The following USP37 variants were observed in gnomAD, a reference collection of about 807,000 sequenced individuals.
USP37 encodes ubiquitin carboxyl-terminal hydrolase 37.
A neutral mutation model predicts 124.0 loss-of-function variants in USP37; 27 were observed. The ratio of observed to expected loss-of-function variants is 0.22; its 90% CI spans 0.16 to 0.30. USP37 has a LOEUF of 0.30. Among genes scored for constraint, USP37 ranks in the 10% least tolerant of loss-of-function variants. USP37 has a pLI of 1.00. For synonymous variants in USP37, 365 were observed against 388.0 expected (o/e 0.94, Z 0.70); for missense variants, 889 against 1,140.4 (o/e 0.78, Z 3.17).
At chr2:218,513,850 C>A (rs566503845) in intron 10 of USP37, among the ~76,000 whole-genome samples, 13 of 152,172 alleles carry the variant, frequency 8.5e-5, no homozygotes, top group Non-Finnish European at 1.8e-4. Context: ...CACTCTGTTG[C>A]TCAGGCTGGA....
chr2:218,517,578 A>G (rs1453245541), intron 10 of USP37, among the ~76,000 whole-genome samples: 2 of 152,206 alleles, frequency 1.3e-5, no homozygotes, highest in Admixed American at 6.5e-5. Flanking sequence ...ATTGCTATAG[A>G]AAAGTCAAAG....
At chr2:218,483,266 G>A (rs1691360807) in intron 16 of USP37, among the ~76,000 whole-genome samples, 1 of 152,092 alleles carries the variant, frequency 6.6e-6, no homozygotes, top group Non-Finnish European at 1.5e-5. Flanking sequence ...TGCCTATAGT[G>A]TAGCCCTGCT....
At chr2:218,511,121 T>C (rs987580187) in intron 10 of USP37, among the ~76,000 whole-genome samples, 3 of 152,194 alleles carry the variant, frequency 2.0e-5, no homozygotes, top group Non-Finnish European at 4.4e-5. Flanking sequence ...TACTCTTTTC[T>C]GAATTGCTTT....
intron 11 of USP37, among the ~76,000 whole-genome samples, chr2:218,509,391 AT>A (rs112390709): frequency 4.6e-5 from 7 of 152,196 alleles, no homozygotes; most frequent in South Asian, 2.1e-4. Context: ...AAGATTTAAA[AT>A]TTAAAAAAAA....
At chr2:218,491,099 C>T (rs1238648319) in intron 14 of USP37, among the ~76,000 whole-genome samples, 6 of 152,160 alleles carry the variant, frequency 3.9e-5, no homozygotes, top group Non-Finnish European at 7.4e-5. Context: ...GTCTCAAACA[C>T]CTAGATTCAA....
chr2:218,549,144 C>T (rs967237803), intron 6 of USP37, among the ~76,000 whole-genome samples: 5 of 151,992 alleles, frequency 3.3e-5, no homozygotes, highest in East Asian at 1.9e-4. Context: ...ATTATGATGA[C>T]GATTTTAAGG....
chr2:218,566,846 A>G (rs756017522), intron 1 of USP37, among the ~76,000 whole-genome samples: 1 of 152,184 alleles, frequency 6.6e-6, no homozygotes, highest in Non-Finnish European at 1.5e-5. Flanking sequence ...GAGAGAGTAG[A>G]AGTCAAGAAT....
intron 11 of USP37, among the ~76,000 whole-genome samples, chr2:218,498,953 A>C (rs1689214954): frequency 6.6e-6 from 1 of 152,130 alleles, no homozygotes; most frequent in Admixed American, 6.6e-5. Context: ...GTACTGCCAA[A>C]TCTTTTTCCT....
At chr2:218,491,167 C>T (rs1306877409) in intron 14 of USP37, among the ~76,000 whole-genome samples, 2 of 152,182 alleles carry the variant, frequency 1.3e-5, no homozygotes, top group African/African-American at 4.8e-5. Flanking sequence ...AGCCACCATG[C>T]TCTGCCCATA....
intron 13 of USP37, 32 bp downstream of exon 13, chr2:218,497,702 C>A (rs1294445079): frequency 6.2e-7 from 1 of 1,611,814 alleles, no homozygotes; most frequent in South Asian, 1.1e-5. Flanking sequence ...CGTGTCAGGC[C>A]TCTGAAACGT....
intron 23 of USP37, among the ~76,000 whole-genome samples, chr2:218,458,903 G>C (rs1689851094): frequency 6.6e-6 from 1 of 151,962 alleles, no homozygotes; most frequent in African/African-American, 2.4e-5. Flanking sequence ...TCTGTCTCTA[G>C]AACAAAAAAG....
intron 15 of USP37, among the ~76,000 whole-genome samples, chr2:218,487,418 T>C (rs1352207850): frequency 6.6e-6 from 1 of 152,180 alleles, no homozygotes; most frequent in Non-Finnish European, 1.5e-5. Flanking sequence ...TGTTTACAAA[T>C]AACAAACTAC....
At position 218,553,619 on chromosome 2, in the gene USP37, G is replaced by C. The variant is rs375550951; in HGVS notation, c.262C>G (p.Pro88Ala). The change falls in exon 5 of 26, where the codon CCA becomes GCA. Residue 88 changes from proline to alanine, a missense_variant. Coordinates refer to ENST00000258399, the MANE Select transcript of USP37 (RefSeq NM_020935.3). ...DNSFLSIDKVPSKDAEEMRLF... is the reference protein window; with the variant it reads ...DNSFLSIDKVASKDAEEMRLF... ...CTCATTTCCTCTGCATCCTTACTTG[G>C]TACTTTGTCAATAGACAAGAAGCTG... is the stretch of plus-strand genomic sequence containing the variant. 4.3e-6 allele frequency: 7 copies of C among 1,613,622 alleles called. No individual in the cohort carries two copies. In the African/African-American group the frequency reaches 9.4e-5, roughly 22 times the overall value.
intron 10 of USP37, among the ~76,000 whole-genome samples, chr2:218,520,669 A>C (rs1690559703): frequency 6.6e-6 from 1 of 152,154 alleles, no homozygotes; most frequent in Non-Finnish European, 1.5e-5. Flanking sequence ...ACAGTTTTAC[A>C]AAAAAGTGTT....
chr2:218,513,134 A>T (rs1273644510), intron 10 of USP37, among the ~76,000 whole-genome samples: 2 of 152,036 alleles, frequency 1.3e-5, no homozygotes, highest in Non-Finnish European at 2.9e-5. Context: ...GGGCTCAAGC[A>T]TTCCTCCCAT....
At chr2:218,526,785 CTTT>C (rs71064454) in intron 10 of USP37, among the ~76,000 whole-genome samples, 1 of 75,918 alleles carries the variant, frequency 1.3e-5, no homozygotes, top group African/African-American at 5.6e-5. Context: ...ATTTCATTTG[CTTT>C]TTTTTTTTTT....
At position 218,452,740 on chromosome 2, in the gene USP37, G is replaced by A. The variant is rs1259502172; in HGVS notation, c.*2190C>T. 1 of 152,166 alleles carries A rather than the reference G, an allele frequency of 6.6e-6. No individual in the cohort carries two copies. Among genetic ancestry groups the A allele is most frequent in the Non-Finnish European group, 1.5e-5 (1 of 68,034 alleles). 9.4% of individuals were successfully genotyped at this position (152,166 alleles called of 1,614,324 possible). A position where few individuals can be genotyped will look rare whatever the true frequency, so the allele number is the denominator to read the frequency against. ...CTTCATGAGGCAATCTAGACTTATGGCATTATTTCTACTTTTCTCCATGTT... is the reference window on the plus strand; with the variant it reads ...CTTCATGAGGCAATCTAGACTTATGACATTATTTCTACTTTTCTCCATGTT... On this transcript the variant is annotated 3_prime_UTR_variant, in exon 26 of 26. Coordinates refer to ENST00000258399, the MANE Select transcript of USP37 (RefSeq NM_020935.3).
At chr2:218,485,635 C>CAAACAA in intron 16 of USP37, 29 bp downstream of exon 16, 1 of 1,295,304 alleles carries the variant, frequency 7.7e-7, no homozygotes, top group Non-Finnish European at 1.0e-6. Flanking sequence ...TAGTCCATAG[C>CAAACAA]AAAAAAAAAA....
At chr2:218,497,710 C>T (rs1401422943) in intron 13 of USP37, 24 bp downstream of exon 13, 4 of 1,611,944 alleles carry the variant, frequency 2.5e-6, no homozygotes, top group Admixed American at 3.3e-5. Flanking sequence ...GCCTCTGAAA[C>T]GTTTTAAAAC....
Sources: allele counts gnomAD v4.1 joint callset (sites outside exome capture counted in the v4.1 genomes callset), GRCh38; gene constraint gnomAD v4.1.1; transcripts MANE v1.5; gene names NCBI Gene and HGNC (gene_info 2026-07-23, HGNC 2026-07-21).